DIP2B: variants seen among roughly 807,000 people sequenced by gnomAD.
The protein encoded by DIP2B is DIP2 acetate--CoA ligase B (putative).
A neutral mutation model predicts 198.0 loss-of-function variants in DIP2B; 76 were observed. That is an observed-to-expected ratio of 0.38 (90% CI 0.32 to 0.46). DIP2B has a LOEUF of 0.46. Ranked by LOEUF, DIP2B falls within the 20% of genes least tolerant of loss-of-function variation. The probability of loss-of-function intolerance (pLI) is 0.99; values close to 1 mark genes in which losing one functional copy is unlikely to be tolerated. For synonymous variants in DIP2B, 701 were observed against 739.1 expected (o/e 0.95, Z 0.84); for missense variants, 1,559 against 1,978.4 (o/e 0.79, Z 4.02).
chr12:50,664,742 A>G (rs1299356346), intron 4 of DIP2B, among the ~76,000 whole-genome samples: 3 of 151,214 alleles, frequency 2.0e-5, no homozygotes, highest in Non-Finnish European at 4.4e-5. Context: ...GCTTAAATTT[A>G]GAAGTCTGTC....
intron 26 of DIP2B, among the ~76,000 whole-genome samples, chr12:50,722,402 C>T (rs775980037): frequency 3.3e-5 from 5 of 151,924 alleles, no homozygotes; most frequent in Non-Finnish European, 5.9e-5. Flanking sequence ...CACAGGCACA[C>T]GCCACCACGC....
At chr12:50,587,560 C>G (rs1298065756) in intron 1 of DIP2B, among the ~76,000 whole-genome samples, 1 of 152,106 alleles carries the variant, frequency 6.6e-6, no homozygotes, top group Non-Finnish European at 1.5e-5. Context: ...ATAGAAATGC[C>G]TAAGGCCAGA....
chr12:50,652,346 TACACACAC>T (rs34791599), intron 3 of DIP2B, among the ~76,000 whole-genome samples: 2 of 140,438 alleles, frequency 1.4e-5, no homozygotes, highest in South Asian at 2.2e-4. Flanking sequence ...ATATATATAA[TACACACAC>T]ACACACACAC....
chr12:50,726,028 G>A (rs1283616428), intron 28 of DIP2B, among the ~76,000 whole-genome samples: 1 of 152,138 alleles, frequency 6.6e-6, no homozygotes, highest in Non-Finnish European at 1.5e-5. Context: ...ATGCTGGTAG[G>A]TCTATGGTTA....
intron 1 of DIP2B, among the ~76,000 whole-genome samples, chr12:50,564,490 A>C (rs1307302018): frequency 6.6e-6 from 1 of 152,198 alleles, no homozygotes; most frequent in Non-Finnish European, 1.5e-5. Flanking sequence ...CTGTTTATCC[A>C]GCTTTCTAAT....
chr12:50,628,323 A>T (rs1223123413), intron 2 of DIP2B, among the ~76,000 whole-genome samples: 2 of 152,192 alleles, frequency 1.3e-5, no homozygotes, highest in African/African-American at 2.4e-5. Context: ...GTGAAGCAAG[A>T]TCATGCCACT....
intron 3 of DIP2B, among the ~76,000 whole-genome samples, chr12:50,643,932 T>G (rs909840201): frequency 3.9e-5 from 6 of 152,204 alleles, no homozygotes; most frequent in African/African-American, 1.4e-4. Flanking sequence ...TAGGGTATAT[T>G]TAATAAAAGT....
chr12:50,721,436 A>G lies in DIP2B; in HGVS notation c.3166+40A>G, dbSNP rs759028360. 4 of 1,608,974 alleles carry G rather than the reference A, an allele frequency of 2.5e-6. No homozygotes were observed. The South Asian group carries it at 4.4e-5, about 18-fold the overall frequency. ...GGCAGACTAGAGTTTAAGCTCCAAT[A>G]CTAGACTGACTACAAATTATAAAAG... On this transcript the variant is annotated intron_variant, in intron 26 of 37. Transcript: ENST00000301180.
intron 4 of DIP2B, among the ~76,000 whole-genome samples, chr12:50,670,388 GCTCA>G (rs1364149303): frequency 6.6e-6 from 1 of 151,952 alleles, no homozygotes. Context: ...CTAGCACCTA[GCTCA>G]CTGTTTGGCA....
intron 1 of DIP2B, among the ~76,000 whole-genome samples, chr12:50,542,248 CAAA>C (rs35430997): frequency 5.8e-5 from 3 of 51,312 alleles, no homozygotes; most frequent in East Asian, 5.5e-4. Flanking sequence ...GACTCCGTCT[CAAA>C]AAAAAAAAAA....
chr12:50,520,793 T>A (rs1958110318), intron 1 of DIP2B, among the ~76,000 whole-genome samples: 1 of 152,232 alleles, frequency 6.6e-6, no homozygotes, highest in Non-Finnish European at 1.5e-5. Context: ...AAAATGCTTT[T>A]CGGTTCAGCT....
intron 34 of DIP2B, among the ~76,000 whole-genome samples, chr12:50,735,944 G>T (rs1369214205): frequency 6.6e-6 from 1 of 152,154 alleles, no homozygotes; most frequent in Non-Finnish European, 1.5e-5. Flanking sequence ...TTAGAATGAG[G>T]CTATAAAACG....
At chr12:50,538,680 T>A (rs1004986947) in intron 1 of DIP2B, among the ~76,000 whole-genome samples, 1 of 152,340 alleles carries the variant, frequency 6.6e-6, no homozygotes, top group African/African-American at 2.4e-5. Context: ...AATGTTTATA[T>A]TCTCTTTTGT....
intron 1 of DIP2B, among the ~76,000 whole-genome samples, chr12:50,557,495 A>T (rs912973673): frequency 1.3e-5 from 2 of 152,168 alleles, no homozygotes; most frequent in East Asian, 1.9e-4. Flanking sequence ...GTACATTCTT[A>T]CTTTACACAC....
rs558929580 is a variant in DIP2B at position 50,646,874 on chromosome 12, G to A, written c.301+6022G>A. On this transcript the variant is annotated intron_variant, in intron 3 of 37. Transcript: ENST00000301180. ...TCTGATCTGGTGATGGCTGGCACTG[G>A]CACACCAAGATCATTTTATTTCTGA... is the stretch of plus-strand genomic sequence containing the variant. 2.0e-5 allele frequency among the ~76,000 whole-genome samples: 3 copies of A among 152,160 alleles called. No individual in the cohort carries two copies. The South Asian group carries it at 6.2e-4, about 32-fold the overall frequency.
chr12:50,724,642 C>A, intron 27 of DIP2B, 133 bp from the exon 28 acceptor site: 1 of 675,068 alleles, frequency 1.5e-6, no homozygotes, highest in Non-Finnish European at 2.6e-6. Flanking sequence ...CTGACCTCGT[C>A]TGTCTCACAT....
At chr12:50,538,360 A>G (rs1201785322) in intron 1 of DIP2B, among the ~76,000 whole-genome samples, 1 of 152,234 alleles carries the variant, frequency 6.6e-6, no homozygotes, top group East Asian at 1.9e-4. Flanking sequence ...GGAGTGTGAG[A>G]GGAATTAATG....
intron 27 of DIP2B, among the ~76,000 whole-genome samples, chr12:50,723,788 G>A (rs4143663): frequency 0.064 from 9,671 of 151,986 alleles, 675 homozygotes; most frequent in East Asian, 0.32. Context: ...TGTCTAAAAC[G>A]TGCTGTCTGA....
At chr12:50,677,377 T>C (rs1938964451) in intron 7 of DIP2B, among the ~76,000 whole-genome samples, 1 of 152,080 alleles carries the variant, frequency 6.6e-6, no homozygotes, top group Admixed American at 6.6e-5. Flanking sequence ...ATCCCAGCAC[T>C]CTGGGAGGCT....
Sources: allele counts gnomAD v4.1 joint callset (sites outside exome capture counted in the v4.1 genomes callset), GRCh38; gene constraint gnomAD v4.1.1; transcripts MANE v1.5; gene names NCBI Gene and HGNC (gene_info 2026-07-23, HGNC 2026-07-21).